SBF2: variants seen among roughly 807,000 people sequenced by gnomAD.
SBF2 encodes the protein myotubularin-related protein 13.
Under a neutral mutation model 225.2 loss-of-function variants are expected in SBF2, and 112 were observed. That is an observed-to-expected ratio of 0.50 (90% CI 0.43 to 0.58). The LOEUF is 0.58. Among genes scored for constraint, SBF2 ranks in the 20% least tolerant of loss-of-function variants. The pLI, the probability that SBF2 is intolerant of heterozygous loss-of-function variation, is 0.00. For missense variants in SBF2, 1,996 were observed against 2,206.2 expected (o/e 0.90, Z 1.91); for synonymous variants, 763 against 773.3 (o/e 0.99, Z 0.22).
intron 16 of SBF2, among the ~76,000 whole-genome samples, chr11:9,947,209 A>C (rs1044194929): frequency 6.6e-6 from 1 of 152,224 alleles, no homozygotes; most frequent in African/African-American, 2.4e-5. Context: ...TTTTAGTTCA[A>C]ATAAGAACAA....
At chr11:9,979,367 T>A (rs1380289812) in intron 13 of SBF2, among the ~76,000 whole-genome samples, 1 of 152,222 alleles carries the variant, frequency 6.6e-6, no homozygotes, top group East Asian at 1.9e-4. Context: ...AAAAGCAGTA[T>A]GTTTATACAT....
In SBF2 at chr11:9,856,720, C is replaced by G. The variant is rs746473762; in HGVS notation, c.2101G>C (p.Asp701His). 1 of 1,613,464 alleles carries G rather than the reference C, an allele frequency of 6.2e-7. No individual in the cohort carries two copies. The highest frequency in any genetic ancestry group is 1.7e-5 in the Admixed American group (1 of 60,004). Residue 701 changes from aspartate (D) to histidine (H), a missense_variant and splice_region_variant, in exon 19 of 40, where the codon GAT becomes CAT. Transcript: ENST00000256190. ...TGATAATGGTCATCAGGAAGCTTAT[C>G]CTAAAAAATAAAGCAACACAATCCA... is the stretch of plus-strand genomic sequence containing the variant. ...DNHAPHLKQK[D>H]KLPDDHYQEK...
At chr11:10,074,230 T>C (rs940557076) in intron 2 of SBF2, among the ~76,000 whole-genome samples, 3 of 152,188 alleles carry the variant, frequency 2.0e-5, no homozygotes, top group Admixed American at 6.5e-5. Flanking sequence ...TTTTATCTTT[T>C]AATTTTTCTA....
chr11:9,940,577 A>T (rs1865195399), intron 16 of SBF2, among the ~76,000 whole-genome samples: 2 of 152,214 alleles, frequency 1.3e-5, no homozygotes, highest in Admixed American at 1.3e-4. Flanking sequence ...CTATTTTTGA[A>T]AAAATTTAAG....
chr11:10,215,410 G>A (rs1404600674), intron 1 of SBF2, among the ~76,000 whole-genome samples: 1 of 152,174 alleles, frequency 6.6e-6, no homozygotes, highest in Non-Finnish European at 1.5e-5. Context: ...AGTTCCCTGA[G>A]CATGAATTAC....
At chr11:10,227,865 T>G (rs1434177173) in intron 1 of SBF2, among the ~76,000 whole-genome samples, 4 of 151,634 alleles carry the variant, frequency 2.6e-5, no homozygotes, top group African/African-American at 9.7e-5. Context: ...AAGAAAGTCA[T>G]TGGTAGCTTG....
intron 1 of SBF2, among the ~76,000 whole-genome samples, chr11:10,221,860 C>G (rs1958350248): frequency 6.6e-6 from 1 of 152,140 alleles, no homozygotes; most frequent in South Asian, 2.1e-4. Flanking sequence ...ATAGCAAGTA[C>G]CTAAAACTCT....
intron 16 of SBF2, among the ~76,000 whole-genome samples, chr11:9,946,866 G>C (rs74978078): frequency 0.014 from 2,095 of 152,220 alleles, 49 homozygotes; most frequent in African/African-American, 0.048. Context: ...CAGAATATTT[G>C]GAAATTACTG....
chr11:9,826,886 C>CTCTATGCAACCTCTGCCTCCCGG (rs1181719266), intron 28 of SBF2, among the ~76,000 whole-genome samples: 2 of 151,954 alleles, frequency 1.3e-5, no homozygotes, highest in Non-Finnish European at 2.9e-5. Flanking sequence ...GCGATCTTGG[C>CTCTATGCAACCTCTGCCTCCCGG]TCTATGCAAC....
chr11:10,115,231 C>T (rs940602118), intron 2 of SBF2, among the ~76,000 whole-genome samples: 1 of 152,018 alleles, frequency 6.6e-6, no homozygotes, highest in Admixed American at 6.6e-5. Context: ...ATACTACTAT[C>T]CCAAGTACTG....
chr11:10,083,183 G>A (rs1465081724), intron 2 of SBF2, among the ~76,000 whole-genome samples: 2 of 152,042 alleles, frequency 1.3e-5, no homozygotes, highest in Non-Finnish European at 2.9e-5. Flanking sequence ...CGAAGGAGGT[G>A]AAAGATCTCT....
chr11:10,278,517 A>G (rs1963140977), intron 1 of SBF2, among the ~76,000 whole-genome samples: 2 of 152,244 alleles, frequency 1.3e-5, no homozygotes, highest in Non-Finnish European at 2.9e-5. Context: ...GCAGAGGCTC[A>G]TGTCTGTAAT....
intron 2 of SBF2, among the ~76,000 whole-genome samples, chr11:10,086,976 A>G (rs1017306099): frequency 1.3e-5 from 2 of 152,214 alleles, no homozygotes; most frequent in African/African-American, 4.8e-5. Flanking sequence ...TTAGTAACCC[A>G]TCTTTGATCT....
chr11:10,110,235 T>A (rs1412240719), intron 2 of SBF2, among the ~76,000 whole-genome samples: 2 of 152,216 alleles, frequency 1.3e-5, no homozygotes, highest in Non-Finnish European at 2.9e-5. Context: ...TCTGAAGGAA[T>A]CATTTGTTGA....
intron 30 of SBF2, chr11:9,809,283 T>C (rs1355109305): frequency 1.4e-5 from 5 of 352,452 alleles, no homozygotes; most frequent in South Asian, 8.8e-5. Flanking sequence ...CTGGGCAACA[T>C]AGTAAGACCC....
At chr11:10,015,137 C>CAAT (rs924612030) in intron 6 of SBF2, among the ~76,000 whole-genome samples, 2 of 151,662 alleles carry the variant, frequency 1.3e-5, no homozygotes, top group African/African-American at 2.4e-5. Flanking sequence ...CACCCTGTCT[C>CAAT]AATAATAATA....
chr11:9,918,617 C>T (rs939973719), intron 16 of SBF2, among the ~76,000 whole-genome samples: 1 of 152,206 alleles, frequency 6.6e-6, no homozygotes, highest in Admixed American at 6.5e-5. Flanking sequence ...ATGATCCACA[C>T]ATCTTGGCCT....
chr11:9,869,284 C>G (rs896399103), intron 17 of SBF2, among the ~76,000 whole-genome samples: 26 of 152,100 alleles, frequency 1.7e-4, no homozygotes, highest in Admixed American at 1.6e-3. Context: ...AACAAACCCT[C>G]CCAAAAAATC....
chr11:9,993,057 A>C lies in SBF2; in HGVS notation c.1100T>G (p.Phe367Cys), dbSNP rs1165411697. The C allele has an allele frequency of 2.5e-6, 4 of 1,612,802 alleles. No individual in the cohort carries two copies. Among genetic ancestry groups the C allele is most frequent in the Non-Finnish European group, 3.4e-6 (4 of 1,179,762 alleles). Reference protein sequence around the residue: ...AVFLRLFAQLFQGYRSCLQLI... With the variant: ...AVFLRLFAQLCQGYRSCLQLI... ...TTGCAGGCAGGATCTATATCCTTGG[A>C]AGAGTTGTGCAAATAATCTAAGGAA... The change falls in exon 11 of 40, where the codon TTC (phenylalanine) becomes TGC (cysteine). Residue 367 changes from phenylalanine to cysteine, a missense_variant. Physicochemically the swap from Phe to Cys is radical, Grantham distance 205 (BLOSUM62 -2). Transcript: ENST00000256190.
Sources: gnomAD v4.1 joint callset for allele counts (sites outside exome capture counted in the v4.1 genomes callset) on GRCh38, gnomAD v4.1.1 for gene constraint, MANE v1.5 for transcripts, NCBI Gene and HGNC (gene_info 2026-07-23, HGNC 2026-07-21) for gene names.